The following SBNO2 variants were observed in gnomAD, a reference collection of about 807,000 sequenced individuals.
The protein encoded by SBNO2 is protein strawberry notch homolog 2.
A neutral mutation model predicts 146.3 loss-of-function variants in SBNO2; 89 were observed. The observed-to-expected ratio is 0.61, with a 90% CI of 0.51 to 0.73. The LOEUF (loss-of-function observed/expected upper bound fraction) is 0.73. SBNO2 is among the 30% of genes least tolerant of loss of function. SBNO2 has a pLI of 0.00. For missense variants in SBNO2, 2,092 were observed against 2,003.7 expected, an observed-to-expected ratio of 1.04 and a Z score of -0.84; for synonymous variants, 1,147 against 892.6, an observed-to-expected ratio of 1.29 and a Z score of -5.08.
At chr19:1,155,723 C>T (rs2080284173) in intron 1 of SBNO2, among the ~76,000 whole-genome samples, 1 of 152,180 alleles carries the variant, frequency 6.6e-6, no homozygotes, top group Non-Finnish European at 1.5e-5. Context: ...AGCCTGGGAC[C>T]CCCCGACCCC....
chr19:1,108,382 CTTGAAG>C lies in SBNO2; in HGVS notation c.3933_3938del (p.Asn1311_Phe1312del), dbSNP rs2079700192. 1.6e-6 allele frequency: 2 copies of C among 1,288,982 alleles called. No homozygotes were observed. The highest frequency in any genetic ancestry group is 2.0e-6 in the Non-Finnish European group (2 of 1,012,104). The allele number at this position is 1,288,982 out of a possible 1,614,324, so 79.8% of individuals were successfully genotyped here. On this transcript the variant is annotated inframe_deletion, in exon 32 of 32. Coordinates refer to ENST00000361757, the MANE Select transcript of SBNO2 (RefSeq NM_014963.3). ...AGCGCAGCATGTCCTCCAGCACCTC[CTTGAAG>C]TTGATGTCGCAGCCCTGGTGCGCGA...
At chr19:1,133,261 C>A (rs2080051804) in intron 4 of SBNO2, among the ~76,000 whole-genome samples, 1 of 152,164 alleles carries the variant, frequency 6.6e-6, no homozygotes, top group South Asian at 2.1e-4. Context: ...CACGGCTCCT[C>A]CTCTGTGAGG....
At chr19:1,169,080 A>T (rs1383840981) in intron 1 of SBNO2, 1 of 152,242 alleles carries the variant, frequency 6.6e-6, no homozygotes, top group Non-Finnish European at 1.5e-5. Context: ...AGGCTCCGGG[A>T]AGCACGGGCA....
intron 4 of SBNO2, among the ~76,000 whole-genome samples, chr19:1,135,859 C>G (rs1328524735): frequency 1.3e-5 from 2 of 152,094 alleles, no homozygotes; most frequent in Non-Finnish European, 2.9e-5. Flanking sequence ...CACTGCCAGT[C>G]TTTGGTGGCT....
rs2080501575 is a variant in SBNO2, at chr19:1,173,560, A to T, written c.-127+612T>A. ...GCTGCGCTGCGGGGCCGAGAAGGCA[A>T]GGGTCCTGGGACCGGGGACAAGGAG... On this transcript the variant is annotated intron_variant, in intron 1 of 31. Transcript: ENST00000361757. This position sits in a 1 kb window ranked among gnomAD's most constrained non-coding sequence, Gnocchi z 4.7. Among the ~76,000 whole-genome samples, 1 of 151,978 alleles carries T rather than the reference A, an allele frequency of 6.6e-6. No homozygotes were observed. The highest frequency in any genetic ancestry group is 2.4e-5 in the African/African-American group (1 of 41,382).
chr19:1,147,434 G>GAGA lies in SBNO2; in HGVS notation c.168-15_168-14insTCT. 1.8e-6 allele frequency: 2 copies of GAGA among 1,133,378 alleles called. No individual in the cohort carries two copies. The highest frequency in any genetic ancestry group is 2.4e-6 in the Non-Finnish European group (2 of 838,388). The allele number at this position is 1,133,378 out of a possible 1,614,324, so 70.2% of individuals were successfully genotyped here. On this transcript the variant is annotated splice_polypyrimidine_tract_variant and intron_variant, in intron 3 of 31. Transcript: ENST00000361757. ...CTCATGAACGGGCTGGAGGGAGATGGGGGGGGGGGAGGTGAGATGGGGTGC... is the reference window on the plus strand; with the variant it reads ...CTCATGAACGGGCTGGAGGGAGATGGAGAGGGGGGGGGAGGTGAGATGGGGTGC...
rs12976317 is a variant in SBNO2, at chr19:1,154,032, G to A, written c.93+152C>T. On this transcript the variant is annotated intron_variant, in intron 2 of 31. Coordinates refer to ENST00000361757, the MANE Select transcript of SBNO2 (RefSeq NM_014963.3). The stretch of plus-strand genomic sequence containing the variant: ...ACCCTTCTCCAGGGCCCACGGGGGC[G>A]GGTGGAGCCGGGCTCCGGGCCAGGA... 1.9e-3 allele frequency among the ~76,000 whole-genome samples: 289 copies of A among 152,320 alleles called. 3 individuals carry two copies. Among genetic ancestry groups the A allele is most frequent in the South Asian group, 0.013 (65 of 4,830 alleles).
At position 1,113,445 on chromosome 19, in the gene SBNO2, G is replaced by T. The variant is rs1268523014; in HGVS notation, c.2247+90C>A. 4 of 1,163,310 alleles carry T rather than the reference G, an allele frequency of 3.4e-6. No homozygotes were observed. The African/African-American group carries it at 4.8e-5, about 14-fold the overall frequency. 72.1% of individuals were successfully genotyped at this position (1,163,310 alleles called of 1,614,324 possible). ...CCGCGGAGACGCAGAGTGACCAGCA[G>T]GGGCCACCAGAGCTGCACACAGCCT... On this transcript the variant is annotated intron_variant, in intron 19 of 31. Transcript: ENST00000361757.
At chr19:1,160,533 G>C (rs1375774109) in intron 1 of SBNO2, among the ~76,000 whole-genome samples, 1 of 152,156 alleles carries the variant, frequency 6.6e-6, no homozygotes, top group Admixed American at 6.5e-5. Flanking sequence ...GAGCCACCGG[G>C]GGTCTCGTCC....
chr19:1,163,404 A>G (rs1415835148), intron 1 of SBNO2, among the ~76,000 whole-genome samples: 1 of 152,190 alleles, frequency 6.6e-6, no homozygotes, highest in Non-Finnish European at 1.5e-5. Context: ...CCTTGACCTC[A>G]GCTTCCTGTG....
chr19:1,119,365 G>C (rs2079871644), intron 13 of SBNO2, 151 bp downstream of exon 13: 1 of 835,296 alleles, frequency 1.2e-6, no homozygotes, highest in Non-Finnish European at 1.9e-6. Context: ...GGGAGTGCTG[G>C]GCAGCCCGAG....
At chr19:1,118,478 T>C (rs986351302) in intron 14 of SBNO2, among the ~76,000 whole-genome samples, 7 of 152,130 alleles carry the variant, frequency 4.6e-5, no homozygotes, top group Middle Eastern at 3.2e-3. Flanking sequence ...GGCTACCAAC[T>C]GCCAGCTGTG....
intron 4 of SBNO2, among the ~76,000 whole-genome samples, chr19:1,129,201 A>G (rs2145246328): frequency 6.6e-6 from 1 of 152,290 alleles, no homozygotes; most frequent in East Asian, 1.9e-4. Flanking sequence ...CAGGAGGCAG[A>G]GGCTGCAGTG....
At chr19:1,123,511 C>G (rs1287570193) in intron 7 of SBNO2, 23 bp downstream of exon 7, 2 of 1,604,690 alleles carry the variant, frequency 1.2e-6, no homozygotes, top group East Asian at 4.5e-5. Context: ...TGTCCCAGGG[C>G]TGGGTGCAGC....
At chr19:1,115,635 C>T (rs1380003479) in intron 17 of SBNO2, 1 of 299,662 alleles carries the variant, frequency 3.3e-6, no homozygotes, top group Non-Finnish European at 6.3e-6. Flanking sequence ...ACACACCAGA[C>T]TTCGACAGGC....
At chr19:1,131,826 C>T (rs1422673008) in intron 4 of SBNO2, among the ~76,000 whole-genome samples, 1 of 152,260 alleles carries the variant, frequency 6.6e-6, no homozygotes, top group African/African-American at 2.4e-5. Flanking sequence ...CCCCCCACTC[C>T]GCTCGGGTCC....
intron 1 of SBNO2, among the ~76,000 whole-genome samples, chr19:1,160,241 C>T (rs2080330983): frequency 6.6e-6 from 1 of 152,214 alleles, no homozygotes; most frequent in Non-Finnish European, 1.5e-5. Context: ...TCCCTGCAGC[C>T]CGGCTGGGGC....
In SBNO2 at chr19:1,109,801, G is replaced by C; in HGVS notation, c.3029-24C>G. ...GTCTAGGGGGGCGGGTGGAGGGTAAGTGGTGTCCAGGCCTGGGACTGTGGG... is the reference window on the plus strand; with the variant it reads ...GTCTAGGGGGGCGGGTGGAGGGTAACTGGTGTCCAGGCCTGGGACTGTGGG... On this transcript the variant is annotated intron_variant, in intron 26 of 31. Transcript: ENST00000361757. This position sits in a 1 kb window ranked among gnomAD's most constrained non-coding sequence, Gnocchi z 4.2. 1.3e-6 allele frequency: 2 copies of C among 1,538,664 alleles called. No homozygotes were observed. Among genetic ancestry groups the C allele is most frequent in the Non-Finnish European group, 1.8e-6 (2 of 1,128,142 alleles).
intron 4 of SBNO2, among the ~76,000 whole-genome samples, chr19:1,128,899 G>C (rs2079997305): frequency 6.6e-6 from 1 of 151,562 alleles, no homozygotes; most frequent in African/African-American, 2.4e-5. Flanking sequence ...GCCCAGAGGG[G>C]TCAAGGCTGC....
Sources: gnomAD v4.1 joint callset for allele counts (sites outside exome capture counted in the v4.1 genomes callset) on GRCh38, gnomAD v4.1.1 for gene constraint, Gnocchi (gnomAD v3.1) non-coding constraint, MANE v1.5 for transcripts, NCBI Gene and HGNC (gene_info 2026-07-23, HGNC 2026-07-21) for gene names.